CDK14: variants seen among roughly 807,000 people sequenced by gnomAD.
CDK14 encodes cyclin dependent kinase 14, also known as cyclin-dependent kinase 14.
Under a neutral mutation model 60.7 loss-of-function variants are expected in CDK14, and 34 were observed. The ratio of observed to expected loss-of-function variants is 0.56; its 90% CI spans 0.43 to 0.75. The LOEUF is 0.75. CDK14 is among the 30% of genes least tolerant of loss of function. CDK14 has a pLI of 0.00. For missense variants in CDK14, 482 were observed against 564.1 expected (o/e 0.85, Z 1.47); for synonymous variants, 197 against 203.7 (o/e 0.97, Z 0.28).
intron 8 of CDK14, among the ~76,000 whole-genome samples, chr7:90,933,620 C>T (rs991534361): frequency 6.6e-6 from 1 of 152,116 alleles, no homozygotes; most frequent in African/African-American, 2.4e-5. Context: ...AATGGCAGAC[C>T]AGAAAAGGAC....
At chr7:90,814,945 C>G (rs558574441) in intron 5 of CDK14, among the ~76,000 whole-genome samples, 1 of 152,342 alleles carries the variant, frequency 6.6e-6, no homozygotes, top group Admixed American at 6.5e-5. Flanking sequence ...TTCCTCAGCT[C>G]TGCTTTGAGC....
chr7:90,947,222 C>T (rs995171772), intron 8 of CDK14, among the ~76,000 whole-genome samples: 3 of 152,176 alleles, frequency 2.0e-5, no homozygotes, highest in African/African-American at 4.8e-5. Flanking sequence ...TTCCTGTCTT[C>T]GCTGCCATCC....
chr7:90,646,349 C>T (rs1156985346), intron 2 of CDK14, among the ~76,000 whole-genome samples: 1 of 149,854 alleles, frequency 6.7e-6, no homozygotes, highest in East Asian at 2.0e-4. Context: ...AATGGTTCAG[C>T]GTGCATGTGA....
rs142789638 is a variant in CDK14 at position 90,850,709 on chromosome 7, G to A, written c.545-12466G>A. Among the ~76,000 whole-genome samples the A allele has an allele frequency of 2.9e-3, 447 of 152,192 alleles. 2 individuals carry two copies. The highest frequency in any genetic ancestry group is 0.01 in the African/African-American group (420 of 41,542). On this transcript the variant is annotated intron_variant, in intron 5 of 14. Coordinates refer to ENST00000380050, the MANE Select transcript of CDK14 (RefSeq NM_001287135.2). ...GGAGTTCCAAGTGTGATAGGGAGTC[G>A]GGAGCTGCATGGAGACCTCTCCATC...
At chr7:90,912,593 T>A (rs1792943211) in intron 7 of CDK14, among the ~76,000 whole-genome samples, 1 of 151,792 alleles carries the variant, frequency 6.6e-6, no homozygotes, top group African/African-American at 2.4e-5. Context: ...TTGTTGGGGG[T>A]TTTTTGTTTT....
chr7:91,096,081 A>AC (rs1353771289), intron 12 of CDK14, among the ~76,000 whole-genome samples: 4 of 150,784 alleles, frequency 2.7e-5, no homozygotes, highest in Non-Finnish European at 4.4e-5. Context: ...AAAAAAAAAA[A>AC]AAAAAAACAG....
At chr7:90,769,250 A>T (rs184122411) in intron 4 of CDK14, among the ~76,000 whole-genome samples, 1 of 152,292 alleles carries the variant, frequency 6.6e-6, no homozygotes, top group East Asian at 1.9e-4. Context: ...GAGTCATGCC[A>T]ATTGTATTCA....
At chr7:91,067,950 C>T (rs1228060401) in intron 11 of CDK14, among the ~76,000 whole-genome samples, 4 of 152,234 alleles carry the variant, frequency 2.6e-5, no homozygotes, top group East Asian at 3.9e-4. Flanking sequence ...GCTTGCTTTG[C>T]GGATAGTACA....
chr7:90,680,618 A>G (rs1391100254), intron 2 of CDK14, among the ~76,000 whole-genome samples: 2 of 152,220 alleles, frequency 1.3e-5, no homozygotes, highest in East Asian at 3.8e-4. Context: ...CAGGCTCTTC[A>G]TAACTTAAGG....
intron 11 of CDK14, among the ~76,000 whole-genome samples, chr7:91,075,470 AAAT>A (rs1798273881): frequency 6.6e-6 from 1 of 152,248 alleles, no homozygotes; most frequent in African/African-American, 2.4e-5. Flanking sequence ...AAGTACCTCC[AAAT>A]AATAAGAGCT....
intron 14 of CDK14, among the ~76,000 whole-genome samples, chr7:91,139,785 C>CTTT (rs748070645): frequency 2.7e-5 from 4 of 146,256 alleles, no homozygotes; most frequent in Admixed American, 6.8e-5. Flanking sequence ...TTTTTTCTTT[C>CTTT]CTTTCTTTCT....
chr7:90,891,503 A>G (rs1473045842), intron 6 of CDK14, among the ~76,000 whole-genome samples: 1 of 152,256 alleles, frequency 6.6e-6, no homozygotes, highest in Non-Finnish European at 1.5e-5. Flanking sequence ...TCCTTATGCC[A>G]GTGAAACTAT....
At chr7:91,203,650 A>G (rs1802794967) in intron 14 of CDK14, among the ~76,000 whole-genome samples, 1 of 152,182 alleles carries the variant, frequency 6.6e-6, no homozygotes, top group African/African-American at 2.4e-5. Context: ...GGACAGACCT[A>G]AAGCTCCCAT....
At chr7:90,977,168 A>G (rs554221287) in intron 9 of CDK14, among the ~76,000 whole-genome samples, 1 of 152,280 alleles carries the variant, frequency 6.6e-6, no homozygotes, top group South Asian at 2.1e-4. Flanking sequence ...CAATTTTCCC[A>G]GCAGCATTTC....
chr7:90,736,839 A>AT (rs1387389558), intron 3 of CDK14, among the ~76,000 whole-genome samples: 1 of 152,166 alleles, frequency 6.6e-6, no homozygotes, highest in African/African-American at 2.4e-5. Flanking sequence ...TGCTCTTCAC[A>AT]TACAGGCCAT....
intron 3 of CDK14, among the ~76,000 whole-genome samples, chr7:90,743,515 G>T (rs940464999): frequency 6.6e-6 from 1 of 152,002 alleles, no homozygotes; most frequent in Admixed American, 6.6e-5. Context: ...TATTAATTAA[G>T]CCGCTGTTTC....
At chr7:90,908,606 T>G (rs1792790640) in intron 7 of CDK14, among the ~76,000 whole-genome samples, 1 of 152,150 alleles carries the variant, frequency 6.6e-6, no homozygotes, top group Non-Finnish European at 1.5e-5. Flanking sequence ...GACCCCTTTG[T>G]TTCCATGTTT....
At chr7:90,793,950 A>G (rs1392606929) in intron 5 of CDK14, among the ~76,000 whole-genome samples, 2 of 152,164 alleles carry the variant, frequency 1.3e-5, no homozygotes, top group South Asian at 2.1e-4. Flanking sequence ...ACAATTGTCT[A>G]TCGGGGGAAA....
chr7:90,782,964 G>T (rs918834316), intron 4 of CDK14, among the ~76,000 whole-genome samples: 1 of 152,150 alleles, frequency 6.6e-6, no homozygotes, highest in African/African-American at 2.4e-5. Context: ...GAGCCTGGAT[G>T]ATTACTGAGG....
Sources: gnomAD v4.1 joint callset for allele counts (sites outside exome capture counted in the v4.1 genomes callset) on GRCh38, gnomAD v4.1.1 for gene constraint, MANE v1.5 for transcripts, NCBI Gene and HGNC (gene_info 2026-07-23, HGNC 2026-07-21) for gene names.